Variants in SMIM7 observed in about 807,000 individuals in gnomAD.
The protein encoded by SMIM7 is UPF0608 protein C19orf42.
SMIM7 carries 12 observed loss-of-function variants against 13.3 expected under a neutral mutation model. The observed-to-expected ratio is 0.90, with a 90% CI of 0.58 to 1.46. The LOEUF is 1.46. Ranked by LOEUF, SMIM7 falls within the 40% of genes most tolerant of loss-of-function variation. The probability of loss-of-function intolerance (pLI) is 0.00; values close to 1 mark genes in which losing one functional copy is unlikely to be tolerated. For synonymous variants in SMIM7, 36 were observed against 35.8 expected, an observed-to-expected ratio of 1.01 and a Z score of -0.02; for missense variants, 114 against 94.8, an observed-to-expected ratio of 1.20 and a Z score of -0.84.
Position 16,637,764 on chromosome 19 carries a change from T to C in SMIM7, c.*138-6040A>G, listed in dbSNP as rs185816953. 1.1e-4 allele frequency among the ~76,000 whole-genome samples: 16 copies of C among 152,318 alleles called. No individual in the cohort carries two copies. The East Asian group carries it at 1.7e-3, about 17-fold the overall frequency. ...TCTTTAATGCCTCAAGGCATACTACTAGCCAAGGAGAGTAACTAACAGCAG... is the reference window on the plus strand; with the variant it reads ...TCTTTAATGCCTCAAGGCATACTACCAGCCAAGGAGAGTAACTAACAGCAG... On this transcript the variant is annotated intron_variant and NMD_transcript_variant, in intron 4 of 4. Coordinates refer to the SMIM7 transcript ENST00000465250.
Position 16,647,230 on chromosome 19 carries a change from G to A in SMIM7, c.*16C>T. ...GGCATCCCGGGAAAGTGAGTTCCTGGTTTCATCGCTGGGATTCAAGAGCCG... is the reference window on the plus strand; with the variant it reads ...GGCATCCCGGGAAAGTGAGTTCCTGATTTCATCGCTGGGATTCAAGAGCCG... On this transcript the variant is annotated 3_prime_UTR_variant, in exon 5 of 5. Transcript: ENST00000487416. The A allele has an allele frequency of 1.2e-6, 2 of 1,614,038 alleles. No homozygotes were observed. The highest frequency in any genetic ancestry group is 1.7e-6 in the Non-Finnish European group (2 of 1,180,034).
intron 3 of SMIM7, chr19:16,655,472 G>T (rs370229491): frequency 6.7e-6 from 3 of 450,674 alleles, no homozygotes; most frequent in Non-Finnish European, 8.9e-6. Flanking sequence ...CCTGAGGTCG[G>T]GAGTTCGAGA....
At position 16,659,959 on chromosome 19, in the gene SMIM7, A is replaced by G. The variant is rs781079606; in HGVS notation, c.68T>C (p.Leu23Pro). 1.9e-6 allele frequency: 3 copies of G among 1,611,668 alleles called. No homozygotes were observed. Among genetic ancestry groups the G allele is most frequent in the Non-Finnish European group, 2.5e-6 (3 of 1,179,368 alleles). The change falls in exon 2 of 5, where the codon CTG becomes CCG. Residue 23 changes from leucine (L) to proline (P), a missense_variant and splice_region_variant. By Grantham distance (98) the Leu-to-Pro change is moderately conservative (BLOSUM62 -3). Transcript: ENST00000487416. ...MNAGAVLNFK[L>P]KKKDTQGFGE... ...CGCAGTCCGGCCGCGACCTACTCACAGCTTAAAGTTCAGCACCGCCCCGGC... is the reference window on the plus strand; with the variant it reads ...CGCAGTCCGGCCGCGACCTACTCACGGCTTAAAGTTCAGCACCGCCCCGGC...
At chr19:16,659,872 G>A (rs2086651280) in intron 2 of SMIM7, 87 bp downstream of exon 2, 1 of 1,513,664 alleles carries the variant, frequency 6.6e-7, no homozygotes, top group Non-Finnish European at 8.9e-7. Context: ...TGGGGGCGGG[G>A]CCTGAGAAGT....
At chr19:16,633,185 G>A (rs1197477359) in intron 4 of SMIM7, among the ~76,000 whole-genome samples, 5 of 152,078 alleles carry the variant, frequency 3.3e-5, no homozygotes, top group Middle Eastern at 3.4e-3. Flanking sequence ...GGCCAGGCGC[G>A]GTGGCTCACG....
chr19:16,659,197 C>G (rs1436152395), intron 3 of SMIM7, 198 bp downstream of exon 3: 1 of 642,652 alleles, frequency 1.6e-6, no homozygotes, highest in African/African-American at 1.9e-5. Context: ...GTGGAAGGAT[C>G]ACTTTAGCTC....
chr19:16,653,467 C>T (rs2086554809), intron 4 of SMIM7, among the ~76,000 whole-genome samples: 2 of 152,068 alleles, frequency 1.3e-5, no homozygotes, highest in African/African-American at 2.4e-5. Context: ...CCTGTAATCC[C>T]AGCTACTCGG....
rs932742114 is a variant in SMIM7 at position 16,646,316 on chromosome 19, A to C, written c.*930T>G. On this transcript the variant is annotated 3_prime_UTR_variant, in exon 5 of 5. Transcript: ENST00000487416. ...AAACAAACAAAAAAACCAGACAACA[A>C]AAAACTCAACAAGCAAATCACACAG... 1 of 152,134 alleles carries C rather than the reference A, an allele frequency of 6.6e-6. No homozygotes were observed. The highest frequency in any genetic ancestry group is 1.5e-5 in the Non-Finnish European group (1 of 68,016). The allele number at this position is 152,134 out of a possible 1,614,324, so 9.4% of individuals were successfully genotyped here. A position where few individuals can be genotyped will look rare whatever the true frequency, so the allele number is the denominator to read the frequency against.
At chr19:16,647,371 C>T (rs1204695461) in intron 4 of SMIM7, 110 bp from the exon 5 acceptor site, 1 of 1,318,814 alleles carries the variant, frequency 7.6e-7, no homozygotes, top group East Asian at 2.4e-5. Context: ...GATGATTTTA[C>T]ATGATTGTCT....
At position 16,658,034 on chromosome 19, in the gene SMIM7, C is replaced by G. The variant is rs571183367; in HGVS notation, c.121+1361G>C. 2.0e-5 allele frequency among the ~76,000 whole-genome samples: 3 copies of G among 152,302 alleles called. 1 individual carries two copies. In the South Asian group the frequency reaches 6.2e-4, roughly 32 times the overall value. Reference sequence around the variant, plus strand: ...TGGGCAACAGAGCAAGACCCTGTCTCTAAAAGAAGAAAACCTCTGTTCCTC... The same window carrying G: ...TGGGCAACAGAGCAAGACCCTGTCTGTAAAAGAAGAAAACCTCTGTTCCTC... On this transcript the variant is annotated intron_variant, in intron 3 of 4. Coordinates refer to ENST00000487416, the MANE Select transcript of SMIM7 (RefSeq NM_024104.4).
At chr19:16,654,151 T>A (rs377475680) in intron 3 of SMIM7, 26 bp from the exon 4 acceptor site, 5 of 1,595,896 alleles carry the variant, frequency 3.1e-6, no homozygotes, top group Non-Finnish European at 4.3e-6. Flanking sequence ...AGCACTTTTA[T>A]GGCACAGCTA....
rs1170376047 is a variant in SMIM7 at position 16,660,097 on chromosome 19, A to C, written c.14T>G (p.Ile5Ser). The stretch of plus-strand genomic sequence containing the variant: ...TCCCCCTAATTACCCGAACAGCAGG[A>C]TGTCTCCGATCATCGTTACGGCCGA... MIGD[I>S]LLFGTLLMNA... The change falls in exon 1 of 5, where the codon ATC (isoleucine) becomes AGC (serine). Residue 5 changes from isoleucine (I) to serine (S), a missense_variant. Ile to Ser is a moderately radical substitution (Grantham distance 142). Transcript: ENST00000487416. 2 of 1,614,180 alleles carry C rather than the reference A, an allele frequency of 1.2e-6. No individual in the cohort carries two copies. Among genetic ancestry groups the C allele is most frequent in the Non-Finnish European group, 8.5e-7 (1 of 1,180,030 alleles).
chr19:16,658,028 C>G (rs751829570), intron 3 of SMIM7, among the ~76,000 whole-genome samples: 1 of 152,176 alleles, frequency 6.6e-6, no homozygotes, highest in Non-Finnish European at 1.5e-5. Context: ...GAGCAAGACC[C>G]TGTCTCTAAA....
intron 4 of SMIM7, chr19:16,634,493 A>C (rs2122486116): frequency 6.6e-6 from 1 of 152,206 alleles, no homozygotes; most frequent in East Asian, 1.9e-4. Context: ...AACTGAAAAC[A>C]TGGCTGCGTG....
intron 4 of SMIM7, chr19:16,636,085 T>C (rs949976854): frequency 3.3e-5 from 5 of 151,888 alleles, no homozygotes; most frequent in Admixed American, 6.6e-5. Flanking sequence ...TGGATTCTCC[T>C]GGTGGCCCCA....
chr19:16,635,883 C>CAAAAAAAAAAAAAAAAAA (rs1207972448), intron 4 of SMIM7, among the ~76,000 whole-genome samples: 1 of 80,518 alleles, frequency 1.2e-5, no homozygotes, highest in African/African-American at 6.3e-5. Context: ...GACCCTGTCT[C>CAAAAAAAAAAAAAAAAAA]AAAAAAAAAA....
intron 4 of SMIM7, among the ~76,000 whole-genome samples, chr19:16,648,532 G>T (rs7255828): frequency 6.6e-6 from 1 of 152,056 alleles, no homozygotes; most frequent in East Asian, 1.9e-4. Flanking sequence ...TGCAAAATAC[G>T]CACGTGATAA....
intron 2 of SMIM7, 143 bp from the exon 3 acceptor site, chr19:16,659,590 C>T (rs7250904): frequency 0.14 from 115,049 of 800,546 alleles, 12,962 homozygotes; most frequent in African/African-American, 0.5. Context: ...ACGTTCAATA[C>T]CCTTCTCTGG....
chr19:16,656,025 A>G (rs1245707244), intron 3 of SMIM7, among the ~76,000 whole-genome samples: 1 of 152,196 alleles, frequency 6.6e-6, no homozygotes, highest in Non-Finnish European at 1.5e-5. Flanking sequence ...CTGCTCAGCA[A>G]GACCCTTCCC....
Sources: allele counts gnomAD v4.1 joint callset (sites outside exome capture counted in the v4.1 genomes callset), GRCh38; gene constraint gnomAD v4.1.1; transcripts MANE v1.5; gene names NCBI Gene and HGNC (gene_info 2026-07-23, HGNC 2026-07-21).